Variants in CBLC observed in about 807,000 individuals in gnomAD.
The protein encoded by CBLC is Cbl proto-oncogene C.
A neutral mutation model predicts 58.6 loss-of-function variants in CBLC; 46 were observed. The ratio of observed to expected loss-of-function variants is 0.79; its 90% CI spans 0.62 to 1.00. The LOEUF (loss-of-function observed/expected upper bound fraction) is 1.00, where lower values mean the gene tolerates loss of function less well. CBLC is among the 50% of genes least tolerant of loss of function. The probability of loss-of-function intolerance (pLI) is 0.00; values close to 1 mark genes in which losing one functional copy is unlikely to be tolerated. For synonymous variants in CBLC, 271 were observed against 264.2 expected (o/e 1.03, Z -0.25); for missense variants, 655 against 625.8 (o/e 1.05, Z -0.50).
At chr19:44,784,571 G>GACA (rs995203114) in intron 5 of CBLC, among the ~76,000 whole-genome samples, 170 bp downstream of exon 5, 1 of 152,186 alleles carries the variant, frequency 6.6e-6, no homozygotes, top group Non-Finnish European at 1.5e-5. Context: ...CAAAGGTCTT[G>GACA]AGGAAGGGGC....
intron 5 of CBLC, among the ~76,000 whole-genome samples, chr19:44,786,160 G>A (rs559604004): frequency 3.3e-5 from 5 of 151,996 alleles, no homozygotes; most frequent in South Asian, 2.1e-4. Flanking sequence ...ATATCAAGCC[G>A]TTGCTCCCAG....
chr19:44,781,237 C>T lies in CBLC; in HGVS notation c.531C>T (p.Ser177=). 1 of 1,613,524 alleles carries T rather than the reference C, an allele frequency of 6.2e-7. No homozygotes were observed. Among genetic ancestry groups the T allele is most frequent in the Non-Finnish European group, 8.5e-7 (1 of 1,179,874 alleles). The change falls in exon 3 of 11, where the codon TCC becomes TCT. Residue 177 remains serine (S), a synonymous_variant. Transcript: ENST00000647358. ...TGCTGCCCTGGGCTGAGTTTGAGTC[C>T]CTCCTGGGCACCTGCCACCCTGTGG... ...RCVLPWAEFE[S]LLGTCHPVEP... is the part of the protein sequence containing the mutation.
Position 44,781,013 on chromosome 19 carries a change from C to A in CBLC, c.462C>A (p.Ala154=), listed in dbSNP as rs1967712383. The A allele has an allele frequency of 6.2e-7, 1 of 1,613,314 alleles. No individual in the cohort carries two copies. The highest frequency in any genetic ancestry group is 1.3e-5 in the African/African-American group (1 of 74,922). Residue 154 remains alanine (A), a synonymous_variant, in exon 2 of 11, where the codon GCC becomes GCA. Coordinates refer to ENST00000647358, the MANE Select transcript of CBLC (RefSeq NM_012116.4). ...YCGHMYQLTK[A]PAHTFWRESC... is the part of the protein sequence containing the mutation. ...GACACATGTACCAGCTCACCAAGGC[C>A]CCCGCCCACACCTTCTGGAGGGAAA...
intron 4 of CBLC, among the ~76,000 whole-genome samples, chr19:44,782,870 T>C (rs1967787588): frequency 6.6e-6 from 1 of 152,110 alleles, no homozygotes. Context: ...AGTCCTTAAA[T>C]TATTTCAACC....
chr19:44,782,999 T>C (rs1233391046), intron 4 of CBLC, among the ~76,000 whole-genome samples: 1 of 152,118 alleles, frequency 6.6e-6, no homozygotes, highest in Non-Finnish European at 1.5e-5. Context: ...GGTAGGACGG[T>C]GAGTGCGTTA....
At chr19:44,785,296 G>A (rs1321842134) in intron 5 of CBLC, among the ~76,000 whole-genome samples, 2 of 151,796 alleles carry the variant, frequency 1.3e-5, no homozygotes, top group African/African-American at 4.8e-5. Flanking sequence ...TTTTAATAGA[G>A]ATGGGGTTTT....
At chr19:44,787,817 CAA>C (rs1383950497) in intron 5 of CBLC, among the ~76,000 whole-genome samples, 30 of 84,120 alleles carry the variant, frequency 3.6e-4, no homozygotes, top group Admixed American at 8.2e-4. Context: ...GACTTCATCT[CAA>C]AAAAAAAAAA....
intron 5 of CBLC, among the ~76,000 whole-genome samples, chr19:44,785,611 AATT>A (rs1321865504): frequency 6.6e-6 from 1 of 151,934 alleles, no homozygotes; most frequent in Non-Finnish European, 1.5e-5. Context: ...TATTTGCAAT[AATT>A]ATTATTAATT....
intron 9 of CBLC, among the ~76,000 whole-genome samples, chr19:44,795,032 A>G (rs1968151978): frequency 6.7e-6 from 1 of 149,678 alleles, no homozygotes; most frequent in African/African-American, 2.5e-5. Flanking sequence ...ATCTCGGCTC[A>G]CAGCAACCTC....
intron 5 of CBLC, among the ~76,000 whole-genome samples, chr19:44,787,880 T>C (rs942738577): frequency 1.3e-5 from 2 of 151,598 alleles, no homozygotes; most frequent in African/African-American, 2.4e-5. Flanking sequence ...TCCTAGAACT[T>C]TGTGGGAGGA....
At position 44,778,046 on chromosome 19, in the gene CBLC, G is replaced by A. The variant is rs749288188; in HGVS notation, c.115G>A (p.Val39Met). 3.1e-6 allele frequency: 5 copies of A among 1,609,258 alleles called. No homozygotes were observed. In the East Asian group the frequency reaches 8.9e-5, roughly 29 times the overall value. The change falls in exon 1 of 11, where the codon GTG (valine) becomes ATG (methionine). Residue 39 changes from valine to methionine, a missense_variant. Coordinates refer to ENST00000647358, the MANE Select transcript of CBLC (RefSeq NM_012116.4). Reference protein sequence around the residue: ...EEQCVDPRLSVSPPSLRDLLP... With the variant: ...EEQCVDPRLSMSPPSLRDLLP... ...GCAATGCGTCGACCCCCGGCTGTCC[G>A]TGAGTCCCCCTTCGCTGCGGGACCT...
At chr19:44,797,283 C>T (rs1032256033) in intron 9 of CBLC, among the ~76,000 whole-genome samples, 1 of 152,104 alleles carries the variant, frequency 6.6e-6, no homozygotes, top group Non-Finnish European at 1.5e-5. Context: ...TGGAGTCTCA[C>T]TTTGTCACCC....
chr19:44,780,846 A>T (rs1967704075), intron 1 of CBLC, 59 bp from the exon 2 acceptor site: 24 of 1,560,028 alleles, frequency 1.5e-5, no homozygotes, highest in Non-Finnish European at 2.0e-5. Flanking sequence ...CCATGAGGGG[A>T]GGAAGAGGGT....
chr19:44,781,107 C>A, intron 2 of CBLC, 56 bp downstream of exon 2: 1 of 1,584,464 alleles, frequency 6.3e-7, no homozygotes. Flanking sequence ...GGCCCAGGGA[C>A]CCAGGGGTCC....
chr19:44,790,605 T>C (rs1336053212), intron 6 of CBLC, among the ~76,000 whole-genome samples: 2 of 151,766 alleles, frequency 1.3e-5, no homozygotes, highest in Non-Finnish European at 2.9e-5. Context: ...CAGCTAATTT[T>C]TGTATTTCTC....
At chr19:44,794,032 G>C (rs1479235583) in intron 8 of CBLC, 172 bp from the exon 9 acceptor site, 3 of 717,728 alleles carry the variant, frequency 4.2e-6, no homozygotes, top group Non-Finnish European at 5.1e-6. Context: ...AAGGGCTGGG[G>C]CTGTGGCTTT....
chr19:44,791,307 CAAAAAAA>C (rs57655043), intron 6 of CBLC, among the ~76,000 whole-genome samples: 1 of 78,158 alleles, frequency 1.3e-5, no homozygotes. Context: ...CTCTGTCCCG[CAAAAAAA>C]AAAAAAAAGA....
intron 9 of CBLC, among the ~76,000 whole-genome samples, chr19:44,799,660 G>A (rs983187669): frequency 6.6e-6 from 1 of 150,904 alleles, no homozygotes; most frequent in Non-Finnish European, 1.5e-5. Context: ...TGTTGTTGTT[G>A]TTGTTGTTTT....
intron 9 of CBLC, among the ~76,000 whole-genome samples, chr19:44,794,989 A>C (rs1968151173): frequency 1.5e-5 from 2 of 134,006 alleles, no homozygotes. Context: ...GAGGAGTCTC[A>C]CTCTGTAGCC....
Sources: gnomAD v4.1 joint callset for allele counts (sites outside exome capture counted in the v4.1 genomes callset) on GRCh38, gnomAD v4.1.1 for gene constraint, MANE v1.5 for transcripts, NCBI Gene and HGNC (gene_info 2026-07-23, HGNC 2026-07-21) for gene names.